The following PRKN variants were observed in gnomAD, a reference collection of about 807,000 sequenced individuals.
PRKN encodes the protein parkin RBR E3 ubiquitin protein ligase, also known as E3 ubiquitin-protein ligase parkin.
Under a neutral mutation model 59.5 loss-of-function variants are expected in PRKN, and 56 were observed. The ratio of observed to expected loss-of-function variants is 0.94; its 90% CI spans 0.76 to 1.18. The LOEUF is 1.18. PRKN is among the 50% of genes most tolerant of loss of function. The pLI is 0.00. For missense variants in PRKN, 657 were observed against 596.4 expected (o/e 1.10, Z -1.06); for synonymous variants, 250 against 222.1 (o/e 1.13, Z -1.12).
intron 1 of PRKN, among the ~76,000 whole-genome samples, chr6:162,696,940 T>C (rs914799344): frequency 2.6e-5 from 4 of 152,160 alleles, no homozygotes; most frequent in African/African-American, 4.8e-5. Context: ...AAAAGTAAAG[T>C]TATTTTTAAG....
chr6:162,563,994 AC>A (rs397744325), intron 1 of PRKN, among the ~76,000 whole-genome samples: 85 of 150,086 alleles, frequency 5.7e-4, no homozygotes, highest in Middle Eastern at 3.4e-3. Context: ...AAAAAAAAAA[AC>A]CACAATAAAT....
intron 4 of PRKN, among the ~76,000 whole-genome samples, chr6:162,076,698 C>T (rs531737693): frequency 3.9e-5 from 6 of 152,050 alleles, no homozygotes; most frequent in Non-Finnish European, 5.9e-5. Context: ...CACAGGTTTC[C>T]GCAAGAATTT....
chr6:162,389,007 GAAAAAAAAAAAAAAAAACAAA>G (rs916316352), intron 2 of PRKN, among the ~76,000 whole-genome samples: 16 of 104,166 alleles, frequency 1.5e-4, no homozygotes, highest in Non-Finnish European at 2.5e-4. Flanking sequence ...AGTTCCTCCA[GAAAAAAAAAAAAAAAAACAAA>G]AAAACCTGAC....
chr6:162,555,008 G>C (rs1056233180), intron 1 of PRKN, among the ~76,000 whole-genome samples: 8 of 152,002 alleles, frequency 5.3e-5, no homozygotes, highest in African/African-American at 1.7e-4. Flanking sequence ...CCTTTTATAC[G>C]CAATGGACTA....
At chr6:161,404,299 AAAG>A (rs1307969296) in intron 9 of PRKN, among the ~76,000 whole-genome samples, 1 of 152,188 alleles carries the variant, frequency 6.6e-6, no homozygotes, top group African/African-American at 2.4e-5. Flanking sequence ...GGAAGAAAAG[AAAG>A]AAGAACACAG....
intron 6 of PRKN, among the ~76,000 whole-genome samples, chr6:161,795,625 G>A (rs1037658097): frequency 1.1e-4 from 17 of 152,046 alleles, no homozygotes; most frequent in Middle Eastern, 3.4e-3. Flanking sequence ...ACTATGCACC[G>A]GTCCCTGCAC....
At chr6:162,341,145 CAT>C (rs766436410) in intron 2 of PRKN, among the ~76,000 whole-genome samples, 7 of 151,926 alleles carry the variant, frequency 4.6e-5, no homozygotes, top group South Asian at 2.1e-4. Context: ...GGCCAAGAAA[CAT>C]ATGAAAAAAA....
At chr6:162,494,535 G>C (rs1792972207) in intron 1 of PRKN, among the ~76,000 whole-genome samples, 1 of 152,154 alleles carries the variant, frequency 6.6e-6, no homozygotes, top group Non-Finnish European at 1.5e-5. Context: ...TATAAACACT[G>C]CTTGATCAGC....
chr6:161,935,554 C>CAAAAAAA (rs773798640), intron 6 of PRKN, among the ~76,000 whole-genome samples: 1 of 82,598 alleles, frequency 1.2e-5, no homozygotes. Flanking sequence ...ACCTTGTTTC[C>CAAAAAAA]AAAAAAAAAA....
rs568603147 is a variant in PRKN at position 161,410,300 on chromosome 6, T to C, written c.1084-23423A>G. 6.6e-4 allele frequency among the ~76,000 whole-genome samples: 101 copies of C among 152,242 alleles called. 1 individual carries two copies. In the South Asian group the frequency reaches 0.011, roughly 16 times the overall value. On this transcript the variant is annotated intron_variant, in intron 9 of 11. Coordinates refer to ENST00000366898, the MANE Select transcript of PRKN (RefSeq NM_004562.3). The surrounding 1 kb of genome is among the most constrained non-coding windows in gnomAD (Gnocchi z 5.3). ...CTGCTGTGTCCTCCTCCAGTGTATC[T>C]GGGAGTGGTGGTTGATGTGAGCGCC...
intron 2 of PRKN, among the ~76,000 whole-genome samples, chr6:162,433,289 A>G (rs1314853802): frequency 6.6e-6 from 1 of 152,202 alleles, no homozygotes; most frequent in African/African-American, 2.4e-5. Flanking sequence ...TCAGAAAAAT[A>G]AAGACTGGAG....
intron 10 of PRKN, chr6:161,370,126 T>C: frequency 3.8e-6 from 1 of 264,342 alleles, no homozygotes; most frequent in East Asian, 8.5e-5. Flanking sequence ...GGATTGGCCT[T>C]AAATCTCCTT....
chr6:161,506,197 T>G (rs917756375), intron 9 of PRKN, among the ~76,000 whole-genome samples: 2 of 151,970 alleles, frequency 1.3e-5, no homozygotes, highest in Non-Finnish European at 2.9e-5. Flanking sequence ...CCTCTTTAAT[T>G]TCATTGAGCA....
chr6:161,372,628 C>T lies in PRKN; in HGVS notation c.1168-12423G>A, dbSNP rs921246997. Among the ~76,000 whole-genome samples the T allele has an allele frequency of 1.3e-5, 2 of 152,104 alleles. No individual in the cohort carries two copies. The highest frequency in any genetic ancestry group is 2.4e-5 in the African/African-American group (1 of 41,416). On this transcript the variant is annotated intron_variant, in intron 10 of 11. Coordinates refer to ENST00000366898, the MANE Select transcript of PRKN (RefSeq NM_004562.3). This position sits in a 1 kb window ranked among gnomAD's most constrained non-coding sequence, Gnocchi z 4.2. ...AGCAGAACGGCGGCTCTCAGACCAG[C>T]GGCACCGGAAGCGCTTGTGCTGTGG...
intron 9 of PRKN, among the ~76,000 whole-genome samples, chr6:161,508,065 G>T (rs543730915): frequency 1.3e-5 from 2 of 152,130 alleles, no homozygotes; most frequent in Non-Finnish European, 1.5e-5. Context: ...TATCGCACAC[G>T]TTAGGCATAA....
chr6:162,638,622 G>T (rs2128223980), intron 1 of PRKN, among the ~76,000 whole-genome samples: 1 of 152,062 alleles, frequency 6.6e-6, no homozygotes, highest in Admixed American at 6.5e-5. Flanking sequence ...GAATCTTTTG[G>T]AAACCTTAGG....
chr6:161,398,584 T>C (rs1786879890), intron 9 of PRKN, among the ~76,000 whole-genome samples: 1 of 152,192 alleles, frequency 6.6e-6, no homozygotes, highest in Non-Finnish European at 1.5e-5. Context: ...TGTGCATTGC[T>C]GGAGCCTGCA....
At chr6:162,559,748 C>T (rs1779759956) in intron 1 of PRKN, among the ~76,000 whole-genome samples, 1 of 152,316 alleles carries the variant, frequency 6.6e-6, no homozygotes, top group South Asian at 2.1e-4. Flanking sequence ...CCACCTGTAC[C>T]TTAGCCTCTT....
At chr6:161,873,707 C>T (rs775305111) in intron 6 of PRKN, among the ~76,000 whole-genome samples, 2 of 151,510 alleles carry the variant, frequency 1.3e-5, no homozygotes, top group Non-Finnish European at 2.9e-5. Context: ...GCATTTGACT[C>T]TCGTCAAAAA....
Sources: allele counts gnomAD v4.1 joint callset (sites outside exome capture counted in the v4.1 genomes callset), GRCh38; gene constraint gnomAD v4.1.1; non-coding constraint Gnocchi (gnomAD v3.1); transcripts MANE v1.5; gene names NCBI Gene and HGNC (gene_info 2026-07-23, HGNC 2026-07-21).